TEX2: variants seen among roughly 807,000 people sequenced by gnomAD.
TEX2 encodes testis-expressed protein 2.
A neutral mutation model predicts 106.9 loss-of-function variants in TEX2; 53 were observed. The observed-to-expected ratio is 0.50, with a 90% CI of 0.40 to 0.62. TEX2 has a LOEUF of 0.62. Ranked by LOEUF, TEX2 falls within the 20% of genes least tolerant of loss-of-function variation. TEX2 has a pLI of 0.00. For synonymous variants in TEX2, 523 were observed against 534.8 expected (o/e 0.98, Z 0.30); for missense variants, 1,207 against 1,379.0 (o/e 0.88, Z 1.98).
At chr17:64,202,964 T>C (rs950398360) in intron 2 of TEX2, among the ~76,000 whole-genome samples, 18 of 152,240 alleles carry the variant, frequency 1.2e-4, no homozygotes, top group Admixed American at 6.5e-5. Flanking sequence ...CTCTCAATTC[T>C]CTGCTGGATT....
At chr17:64,170,931 G>A (rs144763133) in intron 7 of TEX2, among the ~76,000 whole-genome samples, 169 bp downstream of exon 7, 2 of 152,214 alleles carry the variant, frequency 1.3e-5, no homozygotes, top group East Asian at 1.9e-4. Context: ...CACCATGCCC[G>A]GCCCCAAATC....
chr17:64,158,966 T>G (rs553856863), intron 8 of TEX2, among the ~76,000 whole-genome samples: 38 of 152,208 alleles, frequency 2.5e-4, no homozygotes, highest in Non-Finnish European at 4.1e-4. Context: ...AAAATAGTAC[T>G]TTAGAAATAT....
chr17:64,242,919 TAA>T lies in TEX2; in HGVS notation c.-26+20247_-26+20248del, dbSNP rs1430733175. Among the ~76,000 whole-genome samples, 3 of 147,126 alleles carry T rather than the reference TAA, an allele frequency of 2.0e-5. No individual in the cohort carries two copies. In the Admixed American group the frequency reaches 2.0e-4, roughly 10 times the overall value. The stretch of plus-strand genomic sequence containing the variant: ...GGGCAACATAACGAGATCCCATCTC[TAA>T]AAAAAAAAAATTTTTTTTTTTTTTT... On this transcript the variant is annotated intron_variant, in intron 1 of 11. Coordinates refer to ENST00000584379, the MANE Select transcript of TEX2 (RefSeq NM_001288732.2).
At chr17:64,224,052 C>G (rs2033439599) in intron 1 of TEX2, among the ~76,000 whole-genome samples, 1 of 152,130 alleles carries the variant, frequency 6.6e-6, no homozygotes, top group Admixed American at 6.5e-5. Flanking sequence ...TAAAATTCAG[C>G]CTGTTAGGCA....
intron 1 of TEX2, among the ~76,000 whole-genome samples, chr17:64,237,566 G>A (rs1032696291): frequency 2.0e-5 from 3 of 152,144 alleles, no homozygotes; most frequent in Non-Finnish European, 1.5e-5. Context: ...ATGGCAGCCC[G>A]GACTAGCGGG....
rs141600644 is a variant in TEX2, at chr17:64,203,785, C to T, written c.1645-8690G>A. 2.8e-3 allele frequency among the ~76,000 whole-genome samples: 422 copies of T among 152,242 alleles called. 7 individuals are homozygous for T. Among genetic ancestry groups the T allele is most frequent in the Admixed American group, 0.027 (405 of 15,282 alleles). ...AAGAAAGCCCATTAGGGGAGGGAAG[C>T]GCCGTTAATACCGTCCACATCCTCC... On this transcript the variant is annotated intron_variant, in intron 2 of 11. Coordinates refer to ENST00000584379, the MANE Select transcript of TEX2 (RefSeq NM_001288732.2).
chr17:64,213,384 A>T lies in TEX2; in HGVS notation c.834T>A (p.Phe278Leu). 1 of 1,613,984 alleles carries T rather than the reference A, an allele frequency of 6.2e-7. No homozygotes were observed. The change falls in exon 2 of 12, where the codon TTT becomes TTA. Residue 278 changes from phenylalanine to leucine, a missense_variant. Coordinates refer to ENST00000584379, the MANE Select transcript of TEX2 (RefSeq NM_001288732.2). This position sits in a 1 kb window ranked among gnomAD's most constrained non-coding sequence, Gnocchi z 4.4. ...LTSPSDTRSF[F>L]KVPEMEAKIE... The stretch of plus-strand genomic sequence containing the variant: ...TTTTAGCCTCCATTTCGGGCACTTT[A>T]AAAAAGGAACGAGTATCAGAGGGAG...
chr17:64,256,192 G>C (rs1279722671), intron 1 of TEX2: 1 of 152,314 alleles, frequency 6.6e-6, no homozygotes, highest in Non-Finnish European at 1.5e-5. Context: ...ACTAGGAAGA[G>C]AAGCTCATCC....
chr17:64,172,121 G>A (rs1438393758), intron 6 of TEX2, among the ~76,000 whole-genome samples: 2 of 152,080 alleles, frequency 1.3e-5, no homozygotes, highest in South Asian at 2.1e-4. Flanking sequence ...TTGGGAGGCC[G>A]AGGTGGGCGG....
At chr17:64,174,151 C>T (rs1426946902) in intron 6 of TEX2, among the ~76,000 whole-genome samples, 4 of 152,212 alleles carry the variant, frequency 2.6e-5, no homozygotes, top group East Asian at 3.9e-4. Flanking sequence ...AGACATCCAA[C>T]GGTGTTTCTA....
At chr17:64,231,061 G>C (rs1361317254) in intron 1 of TEX2, among the ~76,000 whole-genome samples, 1 of 152,198 alleles carries the variant, frequency 6.6e-6, no homozygotes, top group Non-Finnish European at 1.5e-5. Context: ...CTGGCCATTA[G>C]GTGGAGAGTT....
chr17:64,203,294 C>A (rs886092784), intron 2 of TEX2, among the ~76,000 whole-genome samples: 1 of 152,228 alleles, frequency 6.6e-6, no homozygotes, highest in Non-Finnish European at 1.5e-5. Flanking sequence ...GCTGGCATTT[C>A]AGTCCACCTG....
intron 1 of TEX2, among the ~76,000 whole-genome samples, chr17:64,234,433 C>T (rs1480699489): frequency 1.3e-5 from 2 of 152,158 alleles, no homozygotes; most frequent in African/African-American, 4.8e-5. Context: ...CCTCAGAGAG[C>T]ACTGTCTGCC....
intron 5 of TEX2, among the ~76,000 whole-genome samples, chr17:64,186,901 A>G (rs1465012032): frequency 6.6e-6 from 1 of 152,212 alleles, no homozygotes; most frequent in Non-Finnish European, 1.5e-5. Flanking sequence ...GACTCTGAAG[A>G]GTGTGCAAAG....
chr17:64,170,823 C>T (rs1433193009), intron 7 of TEX2, among the ~76,000 whole-genome samples: 7 of 151,894 alleles, frequency 4.6e-5, no homozygotes, highest in Non-Finnish European at 1.0e-4. Flanking sequence ...TTAGTAGAGA[C>T]GGTGTTTTGC....
At chr17:64,183,248 T>A (rs1490658005) in intron 5 of TEX2, among the ~76,000 whole-genome samples, 1 of 152,218 alleles carries the variant, frequency 6.6e-6, no homozygotes, top group African/African-American at 2.4e-5. Context: ...ACTATAAATA[T>A]TTGTGTACAA....
chr17:64,241,138 A>G (rs567400125), intron 1 of TEX2, among the ~76,000 whole-genome samples: 1 of 152,314 alleles, frequency 6.6e-6, no homozygotes, highest in South Asian at 2.1e-4. Flanking sequence ...CAGGGAAAGC[A>G]TTTGGGGTTG....
At chr17:64,211,509 AT>A (rs1452883753) in intron 2 of TEX2, among the ~76,000 whole-genome samples, 4 of 152,230 alleles carry the variant, frequency 2.6e-5, no homozygotes, top group Non-Finnish European at 5.9e-5. Context: ...ATTAAAAAAA[AT>A]AATAACAATC....
intron 7 of TEX2, among the ~76,000 whole-genome samples, chr17:64,163,603 C>T (rs1369247628): frequency 2.6e-5 from 4 of 152,178 alleles, no homozygotes; most frequent in Admixed American, 1.3e-4. Flanking sequence ...GCAGGCAGAA[C>T]GTGACCTGAA....
Sources: gnomAD v4.1 joint callset for allele counts (sites outside exome capture counted in the v4.1 genomes callset) on GRCh38, gnomAD v4.1.1 for gene constraint, Gnocchi (gnomAD v3.1) non-coding constraint, MANE v1.5 for transcripts, NCBI Gene and HGNC (gene_info 2026-07-23, HGNC 2026-07-21) for gene names.